The following RFX3 variants were observed in gnomAD, a reference collection of about 807,000 sequenced individuals.
RFX3 encodes the protein transcription factor RFX3.
A neutral mutation model predicts 98.6 loss-of-function variants in RFX3; 14 were observed. The ratio of observed to expected loss-of-function variants is 0.14; its 90% confidence interval spans 0.09 to 0.22. The LOEUF (loss-of-function observed/expected upper bound fraction) is 0.22, where lower values mean the gene tolerates loss of function less well. Ranked by LOEUF, RFX3 falls within the 10% of genes least tolerant of loss-of-function variation. The pLI, the probability that RFX3 is intolerant of heterozygous loss-of-function variation, is 1.00. For missense variants in RFX3, 639 were observed against 926.9 expected, an observed-to-expected ratio of 0.69 and a Z score of 4.03; for synonymous variants, 383 against 328.4, an observed-to-expected ratio of 1.17 and a Z score of -1.80.
chr9:3,383,263 T>C (rs1054944274), intron 2 of RFX3, among the ~76,000 whole-genome samples: 1 of 152,164 alleles, frequency 6.6e-6, no homozygotes, highest in African/African-American at 2.4e-5. Context: ...TTGCTAGTTA[T>C]TTTGCTCAAA....
intron 15 of RFX3, chr9:3,247,511 T>A: frequency 5.0e-6 from 4 of 796,840 alleles, no homozygotes; most frequent in Non-Finnish European, 6.3e-6. Flanking sequence ...AAGACTTGCA[T>A]TAAGTGCTTT....
chr9:3,326,951 T>C (rs1297333666), intron 4 of RFX3, among the ~76,000 whole-genome samples: 1 of 152,114 alleles, frequency 6.6e-6, no homozygotes, highest in East Asian at 1.9e-4. Context: ...TCGGCCACAG[T>C]ATATGCTACT....
At chr9:3,331,857 A>G (rs1158582816) in intron 3 of RFX3, among the ~76,000 whole-genome samples, 2 of 152,120 alleles carry the variant, frequency 1.3e-5, no homozygotes, top group Admixed American at 1.3e-4. Flanking sequence ...TCCTAGTTAT[A>G]CTTTAAGAAT....
intron 4 of RFX3, among the ~76,000 whole-genome samples, chr9:3,326,231 G>A (rs1430613510): frequency 6.6e-6 from 1 of 151,972 alleles, no homozygotes; most frequent in African/African-American, 2.4e-5. Context: ...TAAATCAAAG[G>A]AGAAATAGTA....
chr9:3,466,843 C>G (rs1848265302), intron 1 of RFX3, among the ~76,000 whole-genome samples: 1 of 151,520 alleles, frequency 6.6e-6, no homozygotes, highest in Non-Finnish European at 1.5e-5. Flanking sequence ...ACAGAATAAT[C>G]CAGTTTACTA....
At chr9:3,350,041 T>A (rs1441891274) in intron 2 of RFX3, among the ~76,000 whole-genome samples, 2 of 151,958 alleles carry the variant, frequency 1.3e-5, no homozygotes, top group Admixed American at 1.3e-4. Flanking sequence ...GTGTAGAAAA[T>A]CTAGATAACC....
At chr9:3,309,431 T>A (rs1358343561) in intron 4 of RFX3, among the ~76,000 whole-genome samples, 2 of 152,136 alleles carry the variant, frequency 1.3e-5, no homozygotes, top group African/African-American at 2.4e-5. Flanking sequence ...ACCAAGATGC[T>A]AATGCTGCCT....
chr9:3,224,867 T>TAA lies in RFX3; in HGVS notation c.*173_*174dup. 7 of 528,534 alleles carry TAA rather than the reference T, an allele frequency of 1.3e-5. No individual in the cohort carries two copies. The highest frequency in any genetic ancestry group is 3.8e-5 in the South Asian group (1 of 26,488). 32.7% of individuals were successfully genotyped at this position (528,534 alleles called of 1,614,324 possible). On this transcript the variant is annotated 3_prime_UTR_variant, in exon 17 of 17. Transcript: ENST00000617270. ...TAAGAAGCAAATAATTTGTTTACGT[T>TAA]AAAAAAAAAGATCTGGCAAAATACA...
chr9:3,349,186 G>T (rs1053412683), intron 2 of RFX3, among the ~76,000 whole-genome samples: 3 of 151,398 alleles, frequency 2.0e-5, no homozygotes, highest in Non-Finnish European at 4.4e-5. Flanking sequence ...TGCTCTTATG[G>T]TACAAATTTT....
Position 3,346,716 on chromosome 9 carries a change from G to C in RFX3, c.166C>G (p.Gln56Glu). ...TCGCTTCCTTCCACATACTGCACCT[G>C]AGCGGGATAGACATGTTGTACCTGC... ...VQQVQHVYPA[Q>E]VQYVEGSDTV... Residue 56 changes from glutamine (Q) to glutamate (E), a missense_variant, in exon 3 of 17, where the codon CAG becomes GAG. Physicochemically the swap from Gln to Glu is conservative, Grantham distance 29. Coordinates refer to ENST00000617270, the MANE Select transcript of RFX3 (RefSeq NM_001282116.2). 8 of 1,613,738 alleles carry C rather than the reference G, an allele frequency of 5.0e-6. No individual in the cohort carries two copies. Among genetic ancestry groups the C allele is most frequent in the Non-Finnish European group, 6.8e-6 (8 of 1,179,698 alleles).
In RFX3 at chr9:3,387,759, T is replaced by G. The variant is rs116914285; in HGVS notation, c.117+7713A>C. On this transcript the variant is annotated intron_variant, in intron 2 of 16. Coordinates refer to ENST00000617270, the MANE Select transcript of RFX3 (RefSeq NM_001282116.2). The stretch of plus-strand genomic sequence containing the variant: ...GGGAACCAAGCCAATGGGAATCAAG[T>G]CCCAAGTAAGAGCAAACCGGAGAAA... 9.3e-3 allele frequency among the ~76,000 whole-genome samples: 1,420 copies of G among 152,132 alleles called. 17 individuals are homozygous for G. The highest frequency in any genetic ancestry group is 0.019 in the South Asian group (93 of 4,820).
At chr9:3,495,531 C>T (rs1476612638) in intron 1 of RFX3, among the ~76,000 whole-genome samples, 3 of 152,034 alleles carry the variant, frequency 2.0e-5, no homozygotes, top group African/African-American at 7.2e-5. Context: ...AATATGCACA[C>T]ATAAATTGTA....
intron 1 of RFX3, among the ~76,000 whole-genome samples, chr9:3,482,811 T>G (rs1849903545): frequency 6.6e-6 from 1 of 152,154 alleles, no homozygotes; most frequent in South Asian, 2.1e-4. Context: ...TATATGTCTT[T>G]GAATAACTTG....
At chr9:3,255,002 T>A (rs935447346) in intron 14 of RFX3, among the ~76,000 whole-genome samples, 1 of 152,182 alleles carries the variant, frequency 6.6e-6, no homozygotes. Flanking sequence ...ATTGTACCAC[T>A]GCAAAAACAA....
chr9:3,348,120 C>T (rs1356469057), intron 2 of RFX3, among the ~76,000 whole-genome samples: 2 of 152,044 alleles, frequency 1.3e-5, no homozygotes, highest in Non-Finnish European at 2.9e-5. Context: ...CTTTTTATTT[C>T]CCGCCTATTA....
intron 1 of RFX3, 125 bp downstream of exon 1, chr9:3,525,622 G>C (rs1444087163): frequency 6.5e-6 from 1 of 153,856 alleles, no homozygotes; most frequent in East Asian, 1.9e-4. Context: ...CAGCCCCCGT[G>C]TCAGGAGTGA....
At chr9:3,288,405 G>A (rs1016064393) in intron 6 of RFX3, among the ~76,000 whole-genome samples, 155 bp from the exon 7 acceptor site, 2 of 151,998 alleles carry the variant, frequency 1.3e-5, no homozygotes, top group Non-Finnish European at 2.9e-5. Flanking sequence ...ATACTTTTAT[G>A]TTTTTATGGT....
At chr9:3,354,087 A>G (rs759759880) in intron 2 of RFX3, among the ~76,000 whole-genome samples, 4 of 152,068 alleles carry the variant, frequency 2.6e-5, no homozygotes, top group Non-Finnish European at 4.4e-5. Context: ...ACCACTTAAA[A>G]TGAAAGCTTA....
chr9:3,367,050 G>C (rs1016600637), intron 2 of RFX3, among the ~76,000 whole-genome samples: 7 of 151,922 alleles, frequency 4.6e-5, no homozygotes, highest in African/African-American at 1.7e-4. Flanking sequence ...TTCTAAAAAT[G>C]CCTCCCCCTC....
Sources: allele counts gnomAD v4.1 joint callset (sites outside exome capture counted in the v4.1 genomes callset), GRCh38; gene constraint gnomAD v4.1.1; transcripts MANE v1.5; gene names NCBI Gene and HGNC (gene_info 2026-07-23, HGNC 2026-07-21).